TMEM222: variants seen among roughly 807,000 people sequenced by gnomAD.
TMEM222 encodes transmembrane protein 222.
Under a neutral mutation model 25.1 loss-of-function variants are expected in TMEM222, and 18 were observed. The observed-to-expected ratio is 0.72, with a 90% CI of 0.50 to 1.06. The LOEUF is 1.06. TMEM222 is among the 50% of genes least tolerant of loss of function. TMEM222 has a pLI of 0.00. For missense variants in TMEM222, 296 were observed against 293.7 expected (o/e 1.01, Z -0.06); for synonymous variants, 131 against 117.9 (o/e 1.11, Z -0.72).
rs527308014 is a variant in TMEM222, at chr1:27,327,882, C to T, written c.195-2838C>T. ...TTGGCCTTCCAAAGTGCTATGATTA[C>T]AGGCGTGAGCCACAGCACCCAGCCC... is the stretch of plus-strand genomic sequence containing the variant. On this transcript the variant is annotated intron_variant, in intron 1 of 5. Coordinates refer to ENST00000374076, the MANE Select transcript of TMEM222 (RefSeq NM_032125.3). Among the ~76,000 whole-genome samples the T allele has an allele frequency of 3.3e-5, 5 of 152,372 alleles. No individual in the cohort carries two copies. The East Asian group carries it at 7.7e-4, about 23-fold the overall frequency.
rs1488567036 is a variant in TMEM222, at chr1:27,334,617, T to G, written c.539+336T>G. The G allele has an allele frequency of 2.1e-6, 3 of 1,440,748 alleles. No individual in the cohort carries two copies. The African/African-American group carries it at 4.3e-5, about 21-fold the overall frequency. The allele number at this position is 1,440,748 out of a possible 1,614,324, so 89.2% of individuals were successfully genotyped here. A position where few individuals can be genotyped will look rare whatever the true frequency, so the allele number is the denominator to read the frequency against. On this transcript the variant is annotated intron_variant, in intron 5 of 5. Transcript: ENST00000374076. The stretch of plus-strand genomic sequence containing the variant: ...TCAGGGAGGCTTCTACGGATCCCTG[T>G]GCTCCGGTAAAGTGAGCAGATAGAT...
At chr1:27,334,909 A>G in intron 5 of TMEM222, 2 of 821,772 alleles carry the variant, frequency 2.4e-6, no homozygotes, top group Non-Finnish European at 3.1e-6. Flanking sequence ...TTGAACCCAG[A>G]CCCCTGGCTC....
At chr1:27,322,492 C>T (rs1306629161) in intron 1 of TMEM222, 101 bp downstream of exon 1, 3 of 1,197,620 alleles carry the variant, frequency 2.5e-6, no homozygotes, top group East Asian at 6.3e-5. Context: ...AAGCCTTTTC[C>T]TCGGGTCTGG....
Position 27,322,176 on chromosome 1 carries a change from G to C in TMEM222, c.-22G>C. The C allele has an allele frequency of 3.6e-6, 5 of 1,375,502 alleles. No homozygotes were observed. The highest frequency in any genetic ancestry group is 4.7e-6 in the Non-Finnish European group (5 of 1,053,402). 85.2% of individuals were successfully genotyped at this position (1,375,502 alleles called of 1,614,324 possible). The stretch of plus-strand genomic sequence containing the variant: ...ACGAGCGGCACCAGAGCCGGGGCCA[G>C]TCGGAGCGGGGCGCGCGCCGCATGG... On this transcript the variant is annotated 5_prime_UTR_variant, in exon 1 of 6. Coordinates refer to ENST00000374076, the MANE Select transcript of TMEM222 (RefSeq NM_032125.3).
intron 5 of TMEM222, 55 bp from the exon 6 acceptor site, chr1:27,335,324 G>T: frequency 6.4e-7 from 1 of 1,563,276 alleles, no homozygotes; most frequent in South Asian, 1.1e-5. Flanking sequence ...GCTGCGGGCC[G>T]CATGCCTGCT....
chr1:27,323,700 G>T (rs984158615), intron 1 of TMEM222, among the ~76,000 whole-genome samples: 3 of 152,182 alleles, frequency 2.0e-5, no homozygotes, highest in African/African-American at 7.2e-5. Flanking sequence ...CTCAACCCGG[G>T]AAGTGGAGTT....
chr1:27,322,590 T>C (rs2014231946), intron 1 of TMEM222, among the ~76,000 whole-genome samples, 199 bp downstream of exon 1: 1 of 152,156 alleles, frequency 6.6e-6, no homozygotes, highest in Admixed American at 6.5e-5. Flanking sequence ...CTGCTCTCAA[T>C]ACACCTGGTG....
At chr1:27,324,072 T>C (rs2014279230) in intron 1 of TMEM222, among the ~76,000 whole-genome samples, 8 of 152,218 alleles carry the variant, frequency 5.3e-5, no homozygotes, top group Admixed American at 5.2e-4. Context: ...AGGCCTGTAA[T>C]CCCAGCACTT....
At chr1:27,331,116 C>A in intron 2 of TMEM222, 1 of 1,240,636 alleles carries the variant, frequency 8.1e-7, no homozygotes, top group Non-Finnish European at 1.0e-6. Context: ...ATCCAGGAAC[C>A]ACATCTCTGG....
At chr1:27,333,934 T>C (rs760805671) in intron 3 of TMEM222, 24 bp from the exon 4 acceptor site, 1 of 1,608,608 alleles carries the variant, frequency 6.2e-7, no homozygotes, top group Non-Finnish European at 8.5e-7. Flanking sequence ...CAAGCAAGTG[T>C]CCAGAGCCCT....
At chr1:27,333,793 C>T in intron 3 of TMEM222, 165 bp from the exon 4 acceptor site, 1 of 624,146 alleles carries the variant, frequency 1.6e-6, no homozygotes, top group South Asian at 2.0e-5. Context: ...GCCACCTCAC[C>T]CTGTGTCACA....
Position 27,325,701 on chromosome 1 carries a change from A to AT in TMEM222, c.194+3311dup. On this transcript the variant is annotated intron_variant, in intron 1 of 5. Transcript: ENST00000374076. ...GTACTCTGTGTGGATCAGCGGCTCCATCCTGGCCTCACTGTCCACCTTCCA... is the reference window on the plus strand; with the variant it reads ...GTACTCTGTGTGGATCAGCGGCTCCATTCCTGGCCTCACTGTCCACCTTCCA... 4 of 850,930 alleles carry AT rather than the reference A, an allele frequency of 4.7e-6. 1 individual carries two copies. The South Asian group carries it at 5.3e-5, about 11-fold the overall frequency. 52.7% of individuals were successfully genotyped at this position (850,930 alleles called of 1,614,324 possible).
chr1:27,333,022 G>T, intron 3 of TMEM222: 1 of 307,802 alleles, frequency 3.2e-6, no homozygotes, highest in Non-Finnish European at 6.5e-6. Context: ...CTGGTGCTTG[G>T]AACAGCAATT....
In TMEM222 at chr1:27,335,392, G is replaced by A. The variant is rs749061072; in HGVS notation, c.553G>A (p.Val185Met). The A allele has an allele frequency of 4.3e-6, 7 of 1,614,088 alleles. No homozygotes were observed. Among genetic ancestry groups the A allele is most frequent in the African/African-American group, 4.0e-5 (3 of 74,926 alleles). ...TCTCTCTGTCAGCGTTGGGGCCTTC[G>A]TGAAGACCTGGCTGCCCTTCATCCT... ...YGKYVSVGAF[V>M]KTWLPFILLL... is the part of the protein sequence containing the mutation. Residue 185 changes from valine (V) to methionine (M), a missense_variant, in exon 6 of 6, where the codon GTG (valine) becomes ATG (methionine). Val to Met is a conservative substitution (Grantham distance 21). Coordinates refer to ENST00000374076, the MANE Select transcript of TMEM222 (RefSeq NM_032125.3).
Position 27,334,293 on chromosome 1 carries a change from T to A in TMEM222, c.539+12T>A. ...GGGAAGTACGTCAGGTGAGCTGCCC[T>A]CCTGCCTGCCCACCCACACACTGCC... On this transcript the variant is annotated intron_variant, in intron 5 of 5. Coordinates refer to ENST00000374076, the MANE Select transcript of TMEM222 (RefSeq NM_032125.3). 6.2e-7 allele frequency: 1 copy of A among 1,614,012 alleles called. No homozygotes were observed. Among genetic ancestry groups the A allele is most frequent in the African/African-American group, 1.3e-5 (1 of 75,056 alleles).
intron 5 of TMEM222, chr1:27,334,917 C>A: frequency 2.8e-6 from 2 of 721,788 alleles, no homozygotes; most frequent in Non-Finnish European, 3.6e-6. Flanking sequence ...AGACCCCTGG[C>A]TCCCAGCTGC....
chr1:27,329,828 A>G (rs10902657), intron 1 of TMEM222, among the ~76,000 whole-genome samples: 147,733 of 152,340 alleles, frequency 0.97, 71,804 homozygotes, highest in East Asian at 1. Flanking sequence ...CAGGCCGGGT[A>G]CGGTGGCTCA....
Position 27,335,495 on chromosome 1 carries a change from G to A in TMEM222, c.*29G>A. 6.2e-7 allele frequency: 1 copy of A among 1,609,588 alleles called. No homozygotes were observed. Among genetic ancestry groups the A allele is most frequent in the Non-Finnish European group, 8.5e-7 (1 of 1,176,098 alleles). On this transcript the variant is annotated 3_prime_UTR_variant, in exon 6 of 6. Coordinates refer to ENST00000374076, the MANE Select transcript of TMEM222 (RefSeq NM_032125.3). ...CTGCTCGGTGGCCCCACACCCACCA[G>A]GGTCCCGAGGAAACAGCCGCCATCC... is the stretch of plus-strand genomic sequence containing the variant.
intron 1 of TMEM222, among the ~76,000 whole-genome samples, chr1:27,329,433 C>T (rs1205693679): frequency 1.3e-5 from 2 of 152,148 alleles, no homozygotes; most frequent in Non-Finnish European, 2.9e-5. Context: ...ATAGATCAGT[C>T]TTGCCTTTTC....
Sources: allele counts gnomAD v4.1 joint callset (sites outside exome capture counted in the v4.1 genomes callset), GRCh38; gene constraint gnomAD v4.1.1; transcripts MANE v1.5; gene names NCBI Gene and HGNC (gene_info 2026-07-23, HGNC 2026-07-21).